The following ABCD3 variants were observed in gnomAD, a reference collection of about 807,000 sequenced individuals.
ABCD3 encodes the protein ATP-binding cassette sub-family D member 3.
In ABCD3, 41 loss-of-function variants were observed where a neutral mutation model predicts 105.5. The ratio of observed to expected loss-of-function variants is 0.39; its 90% CI spans 0.30 to 0.50. The LOEUF is 0.50. Ranked by LOEUF, ABCD3 falls within the 20% of genes least tolerant of loss-of-function variation. The probability of loss-of-function intolerance (pLI) is 0.84; values close to 1 mark genes in which losing one functional copy is unlikely to be tolerated. For missense variants in ABCD3, 622 were observed against 806.3 expected (o/e 0.77, Z 2.77); for synonymous variants, 258 against 269.0 (o/e 0.96, Z 0.40).
At chr1:94,499,360 C>G (rs1358054443) in intron 19 of ABCD3, 135 bp from the exon 20 acceptor site, 1 of 1,058,294 alleles carries the variant, frequency 9.4e-7, no homozygotes, top group South Asian at 1.4e-5. Context: ...CCTTGTGCCA[C>G]ATTCTTTTCT....
intron 20 of ABCD3, among the ~76,000 whole-genome samples, chr1:94,505,664 T>G (rs1423669311): frequency 6.6e-6 from 1 of 152,114 alleles, no homozygotes; most frequent in Admixed American, 6.6e-5. Context: ...AAATTAGCCC[T>G]AAGGAGCTCC....
chr1:94,421,562 A>ATGTGTGTG (rs3073023), intron 1 of ABCD3, among the ~76,000 whole-genome samples: 40,386 of 148,844 alleles, frequency 0.27, 6,275 homozygotes, highest in Middle Eastern at 0.47. Flanking sequence ...GAGCTATAAG[A>ATGTGTGTG]TGTGTGTGTG....
intron 1 of ABCD3, among the ~76,000 whole-genome samples, chr1:94,442,282 A>C (rs1415416252): frequency 6.6e-6 from 1 of 152,148 alleles, no homozygotes; most frequent in Non-Finnish European, 1.5e-5. Context: ...CGTCTGTAAG[A>C]TGACTTATGT....
At chr1:94,476,442 C>A (rs532902521) in intron 7 of ABCD3, among the ~76,000 whole-genome samples, 2 of 152,280 alleles carry the variant, frequency 1.3e-5, no homozygotes, top group East Asian at 3.9e-4. Context: ...TGCCCAGCAT[C>A]CCCTCCCCTC....
chr1:94,407,172 C>T, the ABCD3 span, among the ~76,000 whole-genome samples: 30 of 152,104 alleles, frequency 2.0e-4, no homozygotes, highest in Admixed American at 3.9e-4. Context: ...GTTTTTGAGA[C>T]GGAGTTTTGC....
rs1659107241 is a variant in ABCD3, at chr1:94,418,430, C to T, written c.-49C>T. ...CTGCGTGCAGTAAGGTAGCCGCCGC[C>T]GCCGCCGCCGCCGCGTCCCCTCGCC... On this transcript the variant is annotated 5_prime_UTR_variant, in exon 1 of 23. Coordinates refer to ENST00000370214, the MANE Select transcript of ABCD3 (RefSeq NM_002858.4). 1.3e-6 allele frequency: 2 copies of T among 1,518,102 alleles called. No homozygotes were observed. The highest frequency in any genetic ancestry group is 3.7e-5 in the Admixed American group (2 of 53,864). 94.0% of individuals were successfully genotyped at this position (1,518,102 alleles called of 1,614,324 possible). A position where few individuals can be genotyped will look rare whatever the true frequency, so the allele number is the denominator to read the frequency against.
At chr1:94,402,914 T>C in the ABCD3 span, among the ~76,000 whole-genome samples, 412 of 151,548 alleles carry the variant, frequency 2.7e-3, 2 homozygotes, top group African/African-American at 9.7e-3. Flanking sequence ...TAACTCATCA[T>C]CTAGCATTAG....
intron 1 of ABCD3, among the ~76,000 whole-genome samples, chr1:94,431,216 TA>T (rs1356781474): frequency 5.3e-5 from 8 of 152,164 alleles, no homozygotes; most frequent in Non-Finnish European, 1.2e-4. Flanking sequence ...CTAAAAAAGG[TA>T]AAAATATGCG....
chr1:94,414,746 C>T (rs895642800), upstream of ABCD3, among the ~76,000 whole-genome samples: 6 of 152,200 alleles, frequency 3.9e-5, no homozygotes, highest in African/African-American at 9.6e-5. Context: ...CAATCTGCTT[C>T]GGTCTCTGCA....
At chr1:94,471,179 TTG>T (rs1244432872) in intron 4 of ABCD3, among the ~76,000 whole-genome samples, 5 of 152,210 alleles carry the variant, frequency 3.3e-5, no homozygotes, top group Non-Finnish European at 7.3e-5. Context: ...TTTTAAAAAA[TTG>T]TTTTTCATTT....
chr1:94,432,860 T>TA (rs1557660522), intron 1 of ABCD3, among the ~76,000 whole-genome samples: 1 of 9,460 alleles, frequency 1.1e-4, no homozygotes, highest in African/African-American at 1.4e-4. Context: ...AAATTTTTTT[T>TA]CTTTTTTTTT....
chr1:94,448,490 G>T (rs1222027399), intron 1 of ABCD3, among the ~76,000 whole-genome samples: 1 of 152,176 alleles, frequency 6.6e-6, no homozygotes, highest in Non-Finnish European at 1.5e-5. Flanking sequence ...TTCTTATTTT[G>T]GATCAAAAGG....
intron 1 of ABCD3, among the ~76,000 whole-genome samples, chr1:94,435,746 A>G (rs58608220): frequency 0.033 from 5,066 of 152,310 alleles, 184 homozygotes; most frequent in East Asian, 0.2. Context: ...GTGCAGTTCA[A>G]TTAGGAAAAG....
chr1:94,478,734 C>T, intron 8 of ABCD3: 1 of 877,358 alleles, frequency 1.1e-6, no homozygotes, highest in South Asian at 3.9e-5. Flanking sequence ...TATACTTGTA[C>T]TTATTGTTTC....
intron 1 of ABCD3, among the ~76,000 whole-genome samples, chr1:94,453,257 C>G (rs763017843): frequency 4.0e-5 from 6 of 151,582 alleles, no homozygotes; most frequent in Non-Finnish European, 8.8e-5. Flanking sequence ...TCTCAGACAA[C>G]TTTATAATTT....
chr1:94,398,409 C>T, the ABCD3 span, among the ~76,000 whole-genome samples: 1 of 152,168 alleles, frequency 6.6e-6, no homozygotes, highest in Non-Finnish European at 1.5e-5. Flanking sequence ...GAATTGCTAA[C>T]GTGTATTCTT....
chr1:94,470,611 C>A (rs1570787429), intron 4 of ABCD3, among the ~76,000 whole-genome samples: 1 of 151,384 alleles, frequency 6.6e-6, no homozygotes, highest in Admixed American at 6.6e-5. Flanking sequence ...TAGGTGAACT[C>A]TTTTTCCATC....
In ABCD3 at chr1:94,468,893, A is replaced by G. The variant is rs201581175; in HGVS notation, c.335+886A>G. Among the ~76,000 whole-genome samples the G allele has an allele frequency of 0.02, 25 of 1,222 alleles. No homozygotes were observed. In the Admixed American group the frequency reaches 0.35, roughly 17 times the overall value. The allele number at this position is 1,222 out of a possible 152,430, so 0.8% of individuals were successfully genotyped here. Reference sequence around the variant, plus strand: ...GACAGTAAAAAATCTTGTATGTATAAGGATTAAAGCCTTGAATTACATACT... The same window carrying G: ...GACAGTAAAAAATCTTGTATGTATAGGGATTAAAGCCTTGAATTACATACT... On this transcript the variant is annotated intron_variant, in intron 4 of 22. Coordinates refer to ENST00000370214, the MANE Select transcript of ABCD3 (RefSeq NM_002858.4).
intron 1 of ABCD3, among the ~76,000 whole-genome samples, chr1:94,442,037 CTG>C (rs1030049095): frequency 3.0e-4 from 46 of 152,086 alleles, no homozygotes; most frequent in African/African-American, 1.1e-3. Context: ...AATGTAAACA[CTG>C]AAATATTTAG....
Sources: gnomAD v4.1 joint callset for allele counts (sites outside exome capture counted in the v4.1 genomes callset) on GRCh38, gnomAD v4.1.1 for gene constraint, MANE v1.5 for transcripts, NCBI Gene and HGNC (gene_info 2026-07-23, HGNC 2026-07-21) for gene names.